NEGR1: variants seen among roughly 807,000 people sequenced by gnomAD.
The protein encoded by NEGR1 is IgLON family member 4.
In NEGR1, 10 loss-of-function variants were observed where a neutral mutation model predicts 40.9. The ratio of observed to expected loss-of-function variants is 0.24; its 90% confidence interval spans 0.15 to 0.42. The LOEUF is 0.42. Ranked by LOEUF, NEGR1 falls within the 10% of genes least tolerant of loss-of-function variation. The pLI, the probability that NEGR1 is intolerant of heterozygous loss-of-function variation, is 1.00. For synonymous variants in NEGR1, 185 were observed against 166.8 expected (o/e 1.11, Z -0.84); for missense variants, 352 against 438.9 (o/e 0.80, Z 1.77).
intron 4 of NEGR1, among the ~76,000 whole-genome samples, chr1:71,684,018 C>T (rs1194909132): frequency 6.6e-6 from 1 of 152,110 alleles, no homozygotes; most frequent in Non-Finnish European, 1.5e-5. Context: ...CGCCTGTAAT[C>T]CCAGTACTTT....
intron 4 of NEGR1, among the ~76,000 whole-genome samples, chr1:71,636,135 G>T (rs2101569141): frequency 6.6e-6 from 1 of 152,014 alleles, no homozygotes; most frequent in East Asian, 1.9e-4. Flanking sequence ...TGTTAGGGTA[G>T]ACCCACAAAT....
intron 6 of NEGR1, among the ~76,000 whole-genome samples, chr1:71,434,642 C>T (rs1646494300): frequency 6.6e-6 from 1 of 152,182 alleles, no homozygotes. Flanking sequence ...CATAGTGATG[C>T]TGGAAGTGCG....
chr1:71,834,819 C>T (rs517901), intron 2 of NEGR1, among the ~76,000 whole-genome samples: 59,612 of 151,364 alleles, frequency 0.39, 12,400 homozygotes, highest in East Asian at 0.65. Flanking sequence ...GTTACAATAA[C>T]AGAGTTTTGT....
intron 3 of NEGR1, among the ~76,000 whole-genome samples, chr1:71,720,246 T>C (rs776975694): frequency 1.3e-5 from 2 of 152,164 alleles, no homozygotes; most frequent in Admixed American, 6.5e-5. Context: ...TAGGAATCCA[T>C]TGGTTCAACA....
At chr1:71,539,240 C>T (rs1465139318) in intron 6 of NEGR1, among the ~76,000 whole-genome samples, 1 of 151,680 alleles carries the variant, frequency 6.6e-6, no homozygotes, top group East Asian at 2.0e-4. Context: ...AGCTTATTTT[C>T]TAATTGAAAT....
At chr1:72,131,005 C>A (rs1373577025) in intron 1 of NEGR1, among the ~76,000 whole-genome samples, 1 of 152,076 alleles carries the variant, frequency 6.6e-6, no homozygotes, top group Non-Finnish European at 1.5e-5. Context: ...CTACAGGGAT[C>A]CAGTTGTTAT....
intron 1 of NEGR1, among the ~76,000 whole-genome samples, chr1:72,040,915 A>C (rs1392531763): frequency 6.6e-6 from 1 of 152,020 alleles, no homozygotes; most frequent in African/African-American, 2.4e-5. Context: ...ACTATGAGTT[A>C]AGGTAGACCC....
chr1:72,058,725 G>T (rs1018775113), intron 1 of NEGR1, among the ~76,000 whole-genome samples: 4 of 151,480 alleles, frequency 2.6e-5, no homozygotes, highest in East Asian at 1.9e-4. Context: ...CCTATTTATC[G>T]CTGTGAAAAA....
At chr1:72,268,546 T>C (rs1244581496) in intron 1 of NEGR1, among the ~76,000 whole-genome samples, 1 of 151,420 alleles carries the variant, frequency 6.6e-6, no homozygotes, top group Non-Finnish European at 1.5e-5. Flanking sequence ...AGAAAGTGGA[T>C]AGCATACTAC....
At chr1:71,931,095 C>T (rs1645851459) in intron 2 of NEGR1, among the ~76,000 whole-genome samples, 1 of 152,108 alleles carries the variant, frequency 6.6e-6, no homozygotes, top group South Asian at 2.1e-4. Context: ...GGAAGTGTAG[C>T]ACCCCACCTA....
chr1:72,251,692 T>C (rs534576023), intron 1 of NEGR1, among the ~76,000 whole-genome samples: 27 of 152,348 alleles, frequency 1.8e-4, no homozygotes, highest in Middle Eastern at 3.4e-3. Flanking sequence ...ACTCAGTACA[T>C]ACATAATCAT....
chr1:72,248,471 TG>T (rs1387955225), intron 1 of NEGR1, among the ~76,000 whole-genome samples: 1 of 151,932 alleles, frequency 6.6e-6, no homozygotes, highest in Non-Finnish European at 1.5e-5. Flanking sequence ...TTGGCCAGGC[TG>T]GTCCCGATCT....
chr1:71,910,329 C>G (rs1661392068), intron 2 of NEGR1, among the ~76,000 whole-genome samples: 1 of 152,182 alleles, frequency 6.6e-6, no homozygotes, highest in Non-Finnish European at 1.5e-5. Flanking sequence ...TGGGAAGGAT[C>G]TTGGTACAAA....
chr1:72,166,482 T>A, intron 1 of NEGR1, among the ~76,000 whole-genome samples: 1 of 152,172 alleles, frequency 6.6e-6, no homozygotes, highest in Non-Finnish European at 1.5e-5. Flanking sequence ...TGCACTCTCA[T>A]GTTCATTGCT....
chr1:71,913,669 A>C (rs1661486507), intron 2 of NEGR1, among the ~76,000 whole-genome samples: 1 of 152,120 alleles, frequency 6.6e-6, no homozygotes, highest in Non-Finnish European at 1.5e-5. Flanking sequence ...TTTTACCCTG[A>C]TTTAATTTCT....
intron 1 of NEGR1, among the ~76,000 whole-genome samples, chr1:72,127,749 T>C (rs922903606): frequency 1.3e-5 from 2 of 152,206 alleles, no homozygotes; most frequent in Admixed American, 1.3e-4. Context: ...ACATAGTTCA[T>C]CACAATCAGA....
intron 6 of NEGR1, among the ~76,000 whole-genome samples, chr1:71,434,303 A>G (rs1646491973): frequency 6.6e-6 from 1 of 152,246 alleles, no homozygotes; most frequent in South Asian, 2.1e-4. Flanking sequence ...ACTGATGCAG[A>G]CTGTGCATAG....
intron 1 of NEGR1, among the ~76,000 whole-genome samples, chr1:72,092,227 G>C (rs1569950114): frequency 6.6e-6 from 1 of 152,124 alleles, no homozygotes; most frequent in East Asian, 1.9e-4. Flanking sequence ...GTAGAGACTA[G>C]CCTGAACCAT....
At chr1:72,052,460 A>C (rs1310436769) in intron 1 of NEGR1, among the ~76,000 whole-genome samples, 1 of 151,498 alleles carries the variant, frequency 6.6e-6, no homozygotes, top group African/African-American at 2.4e-5. Context: ...TTAACCTCTC[A>C]TGGACAGAGC....
Sources: gnomAD v4.1 joint callset for allele counts (sites outside exome capture counted in the v4.1 genomes callset) on GRCh38, gnomAD v4.1.1 for gene constraint, MANE v1.5 for transcripts, NCBI Gene and HGNC (gene_info 2026-07-23, HGNC 2026-07-21) for gene names.